Variants in PCLO observed in about 807,000 individuals in gnomAD.
PCLO encodes piccolo presynaptic cytomatrix protein.
A neutral mutation model predicts 427.5 loss-of-function variants in PCLO; 82 were observed. The observed-to-expected ratio is 0.19, with a 90% CI of 0.16 to 0.23. The LOEUF is 0.23. Ranked by LOEUF, PCLO falls within the 10% of genes least tolerant of loss-of-function variation. The probability of loss-of-function intolerance (pLI) is 1.00; values close to 1 mark genes in which losing one functional copy is unlikely to be tolerated. For synonymous variants in PCLO, 2,357 were observed against 2,155.4 expected (o/e 1.09, Z -2.59); for missense variants, 6,239 against 6,115.9 (o/e 1.02, Z -0.67).
intron 9 of PCLO, among the ~76,000 whole-genome samples, chr7:82,883,689 C>T (rs1273398686): frequency 1.3e-5 from 2 of 152,162 alleles, no homozygotes; most frequent in Non-Finnish European, 2.9e-5. Flanking sequence ...TCACTTATTC[C>T]TATTAGCTTT....
At chr7:83,062,324 C>T (rs1789561460) in intron 3 of PCLO, among the ~76,000 whole-genome samples, 1 of 152,074 alleles carries the variant, frequency 6.6e-6, no homozygotes, top group Non-Finnish European at 1.5e-5. Context: ...ATTAAAATAT[C>T]TTGAACTATA....
intron 9 of PCLO, among the ~76,000 whole-genome samples, chr7:82,896,090 A>T (rs1452654053): frequency 6.6e-6 from 1 of 151,944 alleles, no homozygotes; most frequent in Non-Finnish European, 1.5e-5. Flanking sequence ...GCAAGAATGC[A>T]AAATGACAAA....
chr7:83,082,925 C>G (rs1790138705), intron 3 of PCLO, among the ~76,000 whole-genome samples: 1 of 151,574 alleles, frequency 6.6e-6, no homozygotes, highest in Admixed American at 6.6e-5. Context: ...GTAAAATAGT[C>G]AAACTCACCA....
chr7:83,012,053 T>C (rs1788091071), intron 3 of PCLO, among the ~76,000 whole-genome samples: 1 of 152,154 alleles, frequency 6.6e-6, no homozygotes, highest in African/African-American at 2.4e-5. Context: ...TATTGTATCA[T>C]ATACACTATT....
At chr7:83,125,127 G>T (rs922321279) in intron 3 of PCLO, among the ~76,000 whole-genome samples, 1 of 152,166 alleles carries the variant, frequency 6.6e-6, no homozygotes, top group Non-Finnish European at 1.5e-5. Context: ...CCAGCCGCCT[G>T]CCTTGGCCTC....
chr7:82,962,610 C>A (rs1795678185), intron 4 of PCLO, among the ~76,000 whole-genome samples: 1 of 151,758 alleles, frequency 6.6e-6, no homozygotes, highest in Non-Finnish European at 1.5e-5. Flanking sequence ...CTATTGTGAA[C>A]CCTCAAGGAA....
intron 3 of PCLO, among the ~76,000 whole-genome samples, chr7:83,089,026 G>C (rs531327902): frequency 6.6e-6 from 1 of 152,184 alleles, no homozygotes; most frequent in East Asian, 1.9e-4. Flanking sequence ...CACATACTTG[G>C]AGACATAGTA....
In PCLO at chr7:82,956,207, G is replaced by C; in HGVS notation, c.4746C>G (p.Leu1582=). Residue 1582 remains leucine (L), a synonymous_variant, in exon 5 of 25, where the codon CTC becomes CTG. Coordinates refer to ENST00000333891, the MANE Select transcript of PCLO (RefSeq NM_033026.6). The part of the protein sequence containing the change: ...SEDDEFIRNQ[L]KEISSSTESQ... Reference sequence around the variant, plus strand: ...TCTCAGTACTGCTACTAATCTCTTTGAGCTGGTTTCTGATGAACTCATCAT... The same window carrying C: ...TCTCAGTACTGCTACTAATCTCTTTCAGCTGGTTTCTGATGAACTCATCAT... 4 of 1,610,020 alleles carry C rather than the reference G, an allele frequency of 2.5e-6. No homozygotes were observed. The highest frequency in any genetic ancestry group is 3.4e-6 in the Non-Finnish European group (4 of 1,179,804).
intron 2 of PCLO, among the ~76,000 whole-genome samples, chr7:83,151,030 C>T (rs1248425393): frequency 2.6e-5 from 4 of 152,130 alleles, no homozygotes; most frequent in East Asian, 1.9e-4. Context: ...TTTCATCAAC[C>T]TTATCTCCTG....
At chr7:82,935,413 T>C (rs903636684) in intron 6 of PCLO, among the ~76,000 whole-genome samples, 2 of 151,314 alleles carry the variant, frequency 1.3e-5, no homozygotes, top group African/African-American at 4.8e-5. Flanking sequence ...AGTAGTTTGC[T>C]TGGATATAGG....
intron 20 of PCLO, among the ~76,000 whole-genome samples, chr7:82,818,716 A>G (rs1471351288): frequency 6.6e-6 from 1 of 152,214 alleles, no homozygotes; most frequent in African/African-American, 2.4e-5. Flanking sequence ...GTGTTCTTAT[A>G]TCAGCCAGCC....
At chr7:82,987,424 G>GA (rs1262142208) in intron 3 of PCLO, among the ~76,000 whole-genome samples, 1 of 151,826 alleles carries the variant, frequency 6.6e-6, no homozygotes, top group Non-Finnish European at 1.5e-5. Flanking sequence ...TGTGCATGCA[G>GA]AAAAAAATAA....
At chr7:83,073,908 G>A (rs896696986) in intron 3 of PCLO, among the ~76,000 whole-genome samples, 2 of 151,338 alleles carry the variant, frequency 1.3e-5, no homozygotes, top group South Asian at 4.2e-4. Flanking sequence ...GAACTTCAGA[G>A]CAATTAAAAC....
intron 3 of PCLO, among the ~76,000 whole-genome samples, chr7:82,967,678 TC>T (rs2115675600): frequency 1.3e-5 from 2 of 152,320 alleles, no homozygotes; most frequent in South Asian, 4.1e-4. Context: ...AAAACTACTC[TC>T]TGATAAGAAT....
intron 3 of PCLO, among the ~76,000 whole-genome samples, chr7:83,081,777 T>G (rs1378467448): frequency 1.3e-5 from 2 of 151,790 alleles, no homozygotes; most frequent in Non-Finnish European, 3.0e-5. Flanking sequence ...ACACCTATGC[T>G]AATTATCACT....
intron 22 of PCLO, among the ~76,000 whole-genome samples, chr7:82,766,641 A>G (rs1293243460): frequency 6.6e-6 from 1 of 152,146 alleles, no homozygotes; most frequent in African/African-American, 2.4e-5. Context: ...TAGAACAGCA[A>G]GACAAATTTT....
At chr7:82,982,844 G>A (rs1796175881) in intron 3 of PCLO, among the ~76,000 whole-genome samples, 1 of 151,748 alleles carries the variant, frequency 6.6e-6, no homozygotes, top group African/African-American at 2.4e-5. Context: ...CCCAGGGTTA[G>A]GATTTACAAT....
In PCLO at chr7:82,914,787, T is replaced by A; in HGVS notation, c.13199A>T (p.Glu4400Val). The change falls in exon 7 of 25, where the codon GAA (glutamate) becomes GTA (valine). Residue 4400 changes from glutamate to valine, a missense_variant. This residue lies in a region of PCLO where 877 missense variants were observed against 925.5 expected (regional missense o/e 0.95). Transcript: ENST00000333891. Reference protein sequence around the residue: ...DQFGSSHSLPEVQQHMREESR... With the variant: ...DQFGSSHSLPVVQQHMREESR... ...TTCTTCCCTCATGTGTTGCTGAACT[T>A]CAGGCAATGAGTGGCTTGATCCAAA... 1 of 1,613,438 alleles carries A rather than the reference T, an allele frequency of 6.2e-7. No homozygotes were observed. Among genetic ancestry groups the A allele is most frequent in the Non-Finnish European group, 8.5e-7 (1 of 1,179,678 alleles).
At chr7:82,863,945 T>TC (rs1793028902) in intron 10 of PCLO, among the ~76,000 whole-genome samples, 1 of 151,968 alleles carries the variant, frequency 6.6e-6, no homozygotes. Flanking sequence ...CCATTTTTTT[T>TC]CTCATTTTAT....
Sources: gnomAD v4.1 joint callset for allele counts (sites outside exome capture counted in the v4.1 genomes callset) on GRCh38, gnomAD v4.1.1 for gene constraint, gnomAD v4.1.1 regional missense constraint, MANE v1.5 for transcripts, NCBI Gene and HGNC (gene_info 2026-07-23, HGNC 2026-07-21) for gene names.